Variants in ADGRL2 observed in about 807,000 individuals in gnomAD.
The protein encoded by ADGRL2 is calcium-independent alpha-latrotoxin receptor 2.
A neutral mutation model predicts 157.4 loss-of-function variants in ADGRL2; 44 were observed. That is an observed-to-expected ratio of 0.28 (90% CI 0.22 to 0.36). The LOEUF (loss-of-function observed/expected upper bound fraction) is 0.36. Ranked by LOEUF, ADGRL2 falls within the 10% of genes least tolerant of loss-of-function variation. The pLI, the probability that ADGRL2 is intolerant of heterozygous loss-of-function variation, is 1.00. For synonymous variants in ADGRL2, 585 were observed against 624.7 expected, an observed-to-expected ratio of 0.94 and a Z score of 0.95; for missense variants, 1,510 against 1,768.9, an observed-to-expected ratio of 0.85 and a Z score of 2.63.
upstream of ADGRL2, among the ~76,000 whole-genome samples, chr1:81,694,887 A>T (rs1029936735): frequency 2.0e-5 from 3 of 152,142 alleles, no homozygotes; most frequent in Non-Finnish European, 4.4e-5. Flanking sequence ...GTGAATCTTA[A>T]ATAAGCACAC....
At chr1:81,823,883 C>T (rs1414398428) in intron 1 of ADGRL2, among the ~76,000 whole-genome samples, 2 of 152,062 alleles carry the variant, frequency 1.3e-5, no homozygotes, top group East Asian at 3.9e-4. Context: ...AAGAAAACCA[C>T]GAAGTTAAAA....
rs1432976665 is a variant in ADGRL2, at chr1:81,993,171, G to A, written c.*2026G>A. Among the ~76,000 whole-genome samples, 4 of 125,192 alleles carry A rather than the reference G, an allele frequency of 3.2e-5. No homozygotes were observed. The highest frequency in any genetic ancestry group is 9.5e-5 in the African/African-American group (3 of 31,712). 82.1% of individuals were successfully genotyped at this position (125,192 alleles called of 152,430 possible). ...GGCTGGAGTGCAGTAGTGTGATCTC[G>A]GCTCACTGCAACCTCCGCCTCCCAG... On this transcript the variant is annotated 3_prime_UTR_variant, in exon 24 of 24. Transcript: ENST00000686636.
intron 2 of ADGRL2, among the ~76,000 whole-genome samples, chr1:81,884,210 T>G (rs2094067530): frequency 6.6e-6 from 1 of 152,138 alleles, no homozygotes; most frequent in Non-Finnish European, 1.5e-5. Flanking sequence ...GGTCTTGAAC[T>G]CCTGAGCTCA....
At chr1:81,668,815 C>T (rs1369879000) in intron 3 of ADGRL2, among the ~76,000 whole-genome samples, 2 of 152,052 alleles carry the variant, frequency 1.3e-5, no homozygotes, top group Admixed American at 6.6e-5. Context: ...AGTGATCTGC[C>T]CACCTCGGCC....
chr1:81,350,634 T>C (rs1222925915), intron 1 of ADGRL2, among the ~76,000 whole-genome samples: 1 of 152,184 alleles, frequency 6.6e-6, no homozygotes, highest in African/African-American at 2.4e-5. Context: ...CGTAGAAACA[T>C]AGTCTACCAA....
intron 2 of ADGRL2, among the ~76,000 whole-genome samples, chr1:81,886,747 T>G (rs1222668127): frequency 6.6e-6 from 1 of 152,210 alleles, no homozygotes; most frequent in Admixed American, 6.5e-5. Flanking sequence ...TAAAAATAAT[T>G]TTAAACCTGT....
At chr1:81,372,637 C>T (rs2076180420) in intron 1 of ADGRL2, among the ~76,000 whole-genome samples, 1 of 152,176 alleles carries the variant, frequency 6.6e-6, no homozygotes, top group Admixed American at 6.6e-5. Flanking sequence ...TACTCCATCT[C>T]ATTCCAAAAA....
chr1:81,391,086 A>G (rs1477073591), intron 1 of ADGRL2, among the ~76,000 whole-genome samples: 2 of 152,310 alleles, frequency 1.3e-5, no homozygotes, highest in Non-Finnish European at 2.9e-5. Flanking sequence ...TTAGTTTAGC[A>G]TATGCTGTTT....
chr1:81,449,602 C>G, intron 2 of ADGRL2, among the ~76,000 whole-genome samples: 1 of 152,154 alleles, frequency 6.6e-6, no homozygotes. Flanking sequence ...ATTTGTTTTA[C>G]TTTATTTATT....
chr1:81,588,552 T>G (rs377410992), intron 3 of ADGRL2: 27 of 152,350 alleles, frequency 1.8e-4, no homozygotes, highest in Middle Eastern at 3.4e-3. Context: ...TTCCAGATGT[T>G]CCTCCTTATG....
intron 2 of ADGRL2, among the ~76,000 whole-genome samples, chr1:81,471,759 T>G (rs1205668402): frequency 6.6e-6 from 1 of 152,224 alleles, no homozygotes; most frequent in Non-Finnish European, 1.5e-5. Context: ...CAACGAGGTC[T>G]TTATTATTCA....
At chr1:81,987,805 A>G (rs551774220) in intron 22 of ADGRL2, 64 bp from the exon 23 acceptor site, 92 of 267,916 alleles carry the variant, frequency 3.4e-4, no homozygotes, top group South Asian at 2.1e-3. Flanking sequence ...TTATTTTTTA[A>G]TGTAACTGCA....
At chr1:81,895,733 T>G (rs978285730) in intron 2 of ADGRL2, among the ~76,000 whole-genome samples, 1 of 151,584 alleles carries the variant, frequency 6.6e-6, no homozygotes, top group Admixed American at 6.6e-5. Context: ...TGGTTAAGAG[T>G]TTTTTTTGTG....
chr1:81,718,326 T>C (rs2084184775), intron 1 of ADGRL2, among the ~76,000 whole-genome samples: 1 of 152,168 alleles, frequency 6.6e-6, no homozygotes, highest in Non-Finnish European at 1.5e-5. Context: ...GGAGAAAAGA[T>C]TGTCCATATT....
At chr1:81,540,703 C>G (rs1164816838) in intron 2 of ADGRL2, among the ~76,000 whole-genome samples, 1 of 152,128 alleles carries the variant, frequency 6.6e-6, no homozygotes, top group Non-Finnish European at 1.5e-5. Context: ...CATACAGGTA[C>G]TGACAGGCCC....
intron 1 of ADGRL2, among the ~76,000 whole-genome samples, chr1:81,376,524 C>T (rs2076253028): frequency 6.6e-6 from 1 of 151,872 alleles, no homozygotes; most frequent in Non-Finnish European, 1.5e-5. Context: ...TCCTTCTCTC[C>T]TTCTTTTCTT....
At chr1:81,385,031 G>T (rs984976947) in intron 1 of ADGRL2, among the ~76,000 whole-genome samples, 1 of 152,102 alleles carries the variant, frequency 6.6e-6, no homozygotes, top group Non-Finnish European at 1.5e-5. Context: ...AAGTTGTAGT[G>T]AGTTCTACAT....
In ADGRL2 at chr1:81,920,874, C is replaced by CA. The variant is rs370702752; in HGVS notation, c.287+13653dup. Among the ~76,000 whole-genome samples, 1,048 of 147,482 alleles carry CA rather than the reference C, an allele frequency of 7.1e-3. 5 individuals are homozygous for CA. The highest frequency in any genetic ancestry group is 0.017 in the African/African-American group (670 of 39,806). On this transcript the variant is annotated intron_variant, in intron 3 of 23. Coordinates refer to ENST00000686636, the MANE Select transcript of ADGRL2 (RefSeq NM_001366006.2). Reference sequence around the variant, plus strand: ...TAAAGGTTTTAAAGGAAAAAAAAAACAAAAAAAAAGCCCAATTCAGGTCTA... The same window carrying CA: ...TAAAGGTTTTAAAGGAAAAAAAAAACAAAAAAAAAAGCCCAATTCAGGTCTA...
At chr1:81,953,894 T>C (rs1367291146) in intron 10 of ADGRL2, among the ~76,000 whole-genome samples, 1 of 152,120 alleles carries the variant, frequency 6.6e-6, no homozygotes, top group Non-Finnish European at 1.5e-5. Flanking sequence ...TTTCTTAGAC[T>C]AGAGAGTATT....
Sources: gnomAD v4.1 joint callset for allele counts (sites outside exome capture counted in the v4.1 genomes callset) on GRCh38, gnomAD v4.1.1 for gene constraint, MANE v1.5 for transcripts, NCBI Gene and HGNC (gene_info 2026-07-23, HGNC 2026-07-21) for gene names.